Variants in NUBPL observed in about 807,000 individuals in gnomAD.
NUBPL encodes iron-sulfur cluster transfer protein NUBPL.
In NUBPL, 31 loss-of-function variants were observed where a neutral mutation model predicts 45.7. The observed-to-expected ratio is 0.68, with a 90% CI of 0.51 to 0.92. NUBPL has a LOEUF of 0.92. Among genes scored for constraint, NUBPL ranks in the 40% least tolerant of loss-of-function variants. NUBPL has a pLI of 0.00. For missense variants in NUBPL, 401 were observed against 398.7 expected (o/e 1.01, Z -0.05); for synonymous variants, 144 against 140.9 (o/e 1.02, Z -0.15).
At chr14:31,706,095 C>T (rs946148250) in intron 6 of NUBPL, among the ~76,000 whole-genome samples, 9 of 152,184 alleles carry the variant, frequency 5.9e-5, no homozygotes, top group Non-Finnish European at 8.8e-5. Flanking sequence ...GAGTGGACAC[C>T]GAGGCTGAGG....
intron 8 of NUBPL, among the ~76,000 whole-genome samples, chr14:31,827,525 A>C (rs2040125096): frequency 6.6e-6 from 1 of 152,104 alleles, no homozygotes; most frequent in Non-Finnish European, 1.5e-5. Context: ...AGCAGGTGGA[A>C]TTGTGCTGGA....
Position 31,756,224 on chromosome 14 carries a change from G to A in NUBPL, c.514-31556G>A, listed in dbSNP as rs372483696. Among the ~76,000 whole-genome samples the A allele has an allele frequency of 3.0e-4, 45 of 152,128 alleles. 1 individual carries two copies. The East Asian group carries it at 3.3e-3, about 11-fold the overall frequency. On this transcript the variant is annotated intron_variant, in intron 6 of 10. Coordinates refer to ENST00000281081, the MANE Select transcript of NUBPL (RefSeq NM_025152.3). ...ATCTGAACTTTAAAGTAGTTTTTTC[G>A]AATTCTGTGAGGAAAGTCATTGGTA...
At chr14:31,761,689 C>T (rs2038813089) in intron 6 of NUBPL, among the ~76,000 whole-genome samples, 1 of 152,074 alleles carries the variant, frequency 6.6e-6, no homozygotes, top group Non-Finnish European at 1.5e-5. Context: ...ATATCTCATT[C>T]TGTTTATTGG....
At chr14:31,577,602 A>G (rs2033749849) in intron 3 of NUBPL, among the ~76,000 whole-genome samples, 1 of 152,092 alleles carries the variant, frequency 6.6e-6, no homozygotes, top group Admixed American at 6.5e-5. Flanking sequence ...TTTAGTAGAG[A>G]TGAATTTTGC....
intron 9 of NUBPL, among the ~76,000 whole-genome samples, chr14:31,849,161 A>T (rs961647225): frequency 1.3e-5 from 2 of 152,256 alleles, no homozygotes; most frequent in Non-Finnish European, 2.9e-5. Context: ...TGTACTTCAT[A>T]GTATATACTG....
At chr14:31,580,924 TTC>T (rs1378007852) in intron 3 of NUBPL, among the ~76,000 whole-genome samples, 25 of 152,202 alleles carry the variant, frequency 1.6e-4, no homozygotes, top group Non-Finnish European at 3.7e-4. Flanking sequence ...TTGGATTTTT[TTC>T]TGTGTACAGT....
intron 6 of NUBPL, among the ~76,000 whole-genome samples, chr14:31,696,583 GA>G (rs546970253): frequency 6.7e-6 from 1 of 149,288 alleles, no homozygotes; most frequent in African/African-American, 2.5e-5. Context: ...TCGCCTGAGT[GA>G]AAAAAAAACG....
intron 8 of NUBPL, among the ~76,000 whole-genome samples, chr14:31,835,833 A>G (rs2040273101): frequency 6.6e-6 from 1 of 152,214 alleles, no homozygotes; most frequent in African/African-American, 2.4e-5. Context: ...AGTCTAACAA[A>G]GAACTGAAAA....
chr14:31,606,592 G>A (rs2034606746), intron 4 of NUBPL, among the ~76,000 whole-genome samples: 1 of 152,182 alleles, frequency 6.6e-6, no homozygotes, highest in East Asian at 1.9e-4. Context: ...TCGGCTTGTG[G>A]ATGTTAGCCC....
At chr14:31,841,629 G>C (rs1464317899) in intron 8 of NUBPL, among the ~76,000 whole-genome samples, 1 of 152,074 alleles carries the variant, frequency 6.6e-6, no homozygotes, top group East Asian at 1.9e-4. Flanking sequence ...TAATTTTAAT[G>C]TAGTCCAATT....
chr14:31,814,968 C>T lies in NUBPL; in HGVS notation c.608-11661C>T, dbSNP rs188111300. On this transcript the variant is annotated intron_variant, in intron 7 of 10. Transcript: ENST00000281081. The stretch of plus-strand genomic sequence containing the variant: ...TGTAGTATAGTTTGAAGTCAGGTAG[C>T]GTGATGCCTCCAGCTTTGTTCTTTT... Among the ~76,000 whole-genome samples, 233 of 152,188 alleles carry T rather than the reference C, an allele frequency of 1.5e-3. 1 individual carries two copies. Among genetic ancestry groups the T allele is most frequent in the Middle Eastern group, 3.4e-3 (1 of 294 alleles).
intron 4 of NUBPL, among the ~76,000 whole-genome samples, chr14:31,629,062 A>T (rs1483416442): frequency 6.6e-6 from 1 of 152,190 alleles, no homozygotes; most frequent in Non-Finnish European, 1.5e-5. Context: ...CCCCCAAAAT[A>T]ATATCTTTGT....
intron 6 of NUBPL, among the ~76,000 whole-genome samples, chr14:31,754,835 C>T (rs2038619578): frequency 7.4e-6 from 1 of 135,298 alleles, no homozygotes; most frequent in Non-Finnish European, 1.6e-5. Context: ...TCTCCTAATG[C>T]TATCCCTCCC....
At chr14:31,724,997 G>A (rs1209643149) in intron 6 of NUBPL, among the ~76,000 whole-genome samples, 1 of 151,844 alleles carries the variant, frequency 6.6e-6, no homozygotes. Flanking sequence ...TGTCAAGTGA[G>A]CAAGGAAGCC....
intron 8 of NUBPL, chr14:31,845,193 C>G (rs1345870214): frequency 6.6e-6 from 1 of 152,148 alleles, no homozygotes; most frequent in Non-Finnish European, 1.5e-5. Context: ...AGTTCAAACT[C>G]ATGTTCAAGG....
rs537527809 is a variant in NUBPL, at chr14:31,788,930, A to G, written c.607+1057A>G. Among the ~76,000 whole-genome samples, 16 of 152,276 alleles carry G rather than the reference A, an allele frequency of 1.1e-4. No individual in the cohort carries two copies. In the East Asian group the frequency reaches 2.9e-3, roughly 28 times the overall value. ...TCTAGAAAAGCAGTAGCATTTAAGTATTTTTTAGGCAGAACATGACTGGTT... is the reference window on the plus strand; with the variant it reads ...TCTAGAAAAGCAGTAGCATTTAAGTGTTTTTTAGGCAGAACATGACTGGTT... On this transcript the variant is annotated intron_variant, in intron 7 of 10. Transcript: ENST00000281081.
chr14:31,822,349 A>C (rs1566582756), intron 7 of NUBPL, among the ~76,000 whole-genome samples: 1 of 152,152 alleles, frequency 6.6e-6, no homozygotes. Context: ...ATAAAATTTA[A>C]AATAAAAATC....
chr14:31,841,917 C>CTTTTGTTTTTGTTTT, intron 8 of NUBPL, among the ~76,000 whole-genome samples: 2,457 of 42,674 alleles, frequency 0.058, 402 homozygotes, highest in East Asian at 0.12. Context: ...CGATTCTGGG[C>CTTTTGTTTTTGTTTT]TTTTTTTTTT....
intron 7 of NUBPL, among the ~76,000 whole-genome samples, chr14:31,825,722 C>G (rs2040089468): frequency 6.7e-6 from 1 of 148,162 alleles, no homozygotes; most frequent in South Asian, 2.2e-4. Flanking sequence ...TTTTTCCTCT[C>G]CTTCATCATC....
Sources: gnomAD v4.1 joint callset for allele counts (sites outside exome capture counted in the v4.1 genomes callset) on GRCh38, gnomAD v4.1.1 for gene constraint, MANE v1.5 for transcripts, NCBI Gene and HGNC (gene_info 2026-07-23, HGNC 2026-07-21) for gene names.